TENT4B: variants seen among roughly 807,000 people sequenced by gnomAD.
TENT4B encodes the protein PAP associated domain containing 5.
In TENT4B, 10 loss-of-function variants were observed where a neutral mutation model predicts 75.0. The observed-to-expected ratio is 0.13, with a 90% CI of 0.08 to 0.23. The LOEUF is 0.23. Ranked by LOEUF, TENT4B falls within the 10% of genes least tolerant of loss-of-function variation. The pLI is 1.00. For missense variants in TENT4B, 579 were observed against 893.8 expected (o/e 0.65, Z 4.49); for synonymous variants, 350 against 357.7 (o/e 0.98, Z 0.24).
chr16:50,233,544 C>G lies in TENT4B; in HGVS notation c.*4216C>G. On this transcript the variant is annotated 3_prime_UTR_variant, in exon 12 of 12. Coordinates refer to ENST00000561678, the MANE Select transcript of TENT4B (RefSeq NM_001365324.3). Reference sequence around the variant, plus strand: ...AGATAATGAGCTAAATATATATAGACGTTGAATGTTGACAAAATTATTAAC... The same window carrying G: ...AGATAATGAGCTAAATATATATAGAGGTTGAATGTTGACAAAATTATTAAC... 1 of 984,744 alleles carries G rather than the reference C, an allele frequency of 1.0e-6. No homozygotes were observed. The highest frequency in any genetic ancestry group is 4.7e-5 in the South Asian group (1 of 21,258). 61.0% of individuals were successfully genotyped at this position (984,744 alleles called of 1,614,324 possible).
rs2030096424 is a variant in TENT4B, at chr16:50,234,271, AAAAC to A, written c.*4951_*4954del. The A allele has an allele frequency of 1.2e-5, 12 of 985,514 alleles. No homozygotes were observed. Among genetic ancestry groups the A allele is most frequent in the South Asian group, 4.7e-5 (1 of 21,288 alleles). 61.0% of individuals were successfully genotyped at this position (985,514 alleles called of 1,614,324 possible). A position where few individuals can be genotyped will look rare whatever the true frequency, so the allele number is the denominator to read the frequency against. On this transcript the variant is annotated 3_prime_UTR_variant, in exon 12 of 12. Coordinates refer to ENST00000561678, the MANE Select transcript of TENT4B (RefSeq NM_001365324.3). ...GAGTTTGAGACCTTCATCTCTTAAAAAAACAAACAAAAACCTGAATGGTGAGGTG... is the reference window on the plus strand; with the variant it reads ...GAGTTTGAGACCTTCATCTCTTAAAAAAACAAAAACCTGAATGGTGAGGTG...
At chr16:50,208,131 T>C (rs2031084569) in intron 1 of TENT4B, among the ~76,000 whole-genome samples, 1 of 152,208 alleles carries the variant, frequency 6.6e-6, no homozygotes, top group African/African-American at 2.4e-5. Context: ...ACTTTGCAAG[T>C]GTGGCTTTGC....
chr16:50,154,809 C>T (rs2037858900), intron 1 of TENT4B, among the ~76,000 whole-genome samples: 2 of 152,144 alleles, frequency 1.3e-5, no homozygotes, highest in East Asian at 1.9e-4. Context: ...TTATGTCAGC[C>T]CTGTAAGGCA....
At chr16:50,160,193 C>G (rs1056956112) in intron 1 of TENT4B, among the ~76,000 whole-genome samples, 1 of 152,186 alleles carries the variant, frequency 6.6e-6, no homozygotes, top group Non-Finnish European at 1.5e-5. Flanking sequence ...CCACTGCGCC[C>G]GGCCGCTAAC....
Position 50,228,039 on chromosome 16 carries a change from G to A in TENT4B, c.1965+36G>A, listed in dbSNP as rs773292883. 8 of 1,589,044 alleles carry A rather than the reference G, an allele frequency of 5.0e-6. No homozygotes were observed. The Admixed American group carries it at 1.1e-4, about 21-fold the overall frequency. ...CGTGGGTTTTTAATTGTTAGTATTT[G>A]ATACAAAATATTTAGAATTTCCCAC... On this transcript the variant is annotated intron_variant, in intron 11 of 11. Coordinates refer to ENST00000561678, the MANE Select transcript of TENT4B (RefSeq NM_001365324.3).
chr16:50,152,970 C>G (rs916380972), upstream of TENT4B: 22 of 1,513,830 alleles, frequency 1.5e-5, no homozygotes, highest in African/African-American at 2.6e-4. Flanking sequence ...CTCGTCCACG[C>G]TCAGCACCGG....
intron 4 of TENT4B, among the ~76,000 whole-genome samples, chr16:50,217,236 G>A (rs2031606447): frequency 6.6e-6 from 1 of 152,102 alleles, no homozygotes; most frequent in Admixed American, 6.5e-5. Flanking sequence ...ACTTCAGTAT[G>A]TATATCAAGA....
chr16:50,183,837 G>T (rs1044319026), intron 1 of TENT4B, among the ~76,000 whole-genome samples: 1 of 152,140 alleles, frequency 6.6e-6, no homozygotes. Flanking sequence ...CTGAGGTCAG[G>T]AGTTTGAGAC....
intron 1 of TENT4B, among the ~76,000 whole-genome samples, chr16:50,188,444 A>G (rs191135476): frequency 3.3e-5 from 5 of 152,332 alleles, no homozygotes; most frequent in African/African-American, 1.2e-4. Flanking sequence ...CTGATGGTAA[A>G]CACAACAGCA....
Position 50,233,553 on chromosome 16 carries a change from T to C in TENT4B, c.*4225T>C, listed in dbSNP as rs191664672. On this transcript the variant is annotated 3_prime_UTR_variant, in exon 12 of 12. Transcript: ENST00000561678. The stretch of plus-strand genomic sequence containing the variant: ...GCTAAATATATATAGACGTTGAATG[T>C]TGACAAAATTATTAACCAGAAAAAT... 12 of 985,100 alleles carry C rather than the reference T, an allele frequency of 1.2e-5. No homozygotes were observed. The South Asian group carries it at 3.3e-4, about 27-fold the overall frequency. 61.0% of individuals were successfully genotyped at this position (985,100 alleles called of 1,614,324 possible).
chr16:50,235,154 T>C lies in TENT4B; in HGVS notation c.*5826T>C, dbSNP rs562568851. 84 of 530,000 alleles carry C rather than the reference T, an allele frequency of 1.6e-4. No homozygotes were observed. The African/African-American group carries it at 1.7e-3, about 11-fold the overall frequency. The allele number at this position is 530,000 out of a possible 1,614,324, so 32.8% of individuals were successfully genotyped here. A position where few individuals can be genotyped will look rare whatever the true frequency, so the allele number is the denominator to read the frequency against. ...TGAATTGCACACCTGGAAGATTTTT[T>C]AAGCTAATGACAGTTTCTTCAAAGA... On this transcript the variant is annotated 3_prime_UTR_variant, in exon 12 of 12. Transcript: ENST00000561678.
At chr16:50,192,368 G>A (rs1436281638) in intron 1 of TENT4B, among the ~76,000 whole-genome samples, 2 of 152,182 alleles carry the variant, frequency 1.3e-5, no homozygotes, top group East Asian at 3.8e-4. Context: ...TGAGGAGACA[G>A]TTGTTACCAT....
intron 1 of TENT4B, among the ~76,000 whole-genome samples, chr16:50,187,006 C>T (rs2038540874): frequency 6.6e-6 from 1 of 152,096 alleles, no homozygotes; most frequent in Non-Finnish European, 1.5e-5. Flanking sequence ...AGCAATCCTC[C>T]TACCTCGGCT....
intron 1 of TENT4B, among the ~76,000 whole-genome samples, chr16:50,203,838 G>A (rs1022880321): frequency 6.6e-6 from 1 of 152,212 alleles, no homozygotes; most frequent in Non-Finnish European, 1.5e-5. Flanking sequence ...TGGGCACACA[G>A]AGCCCGAAGC....
At chr16:50,207,660 A>G (rs1044561623) in intron 1 of TENT4B, among the ~76,000 whole-genome samples, 1 of 152,204 alleles carries the variant, frequency 6.6e-6, no homozygotes, top group Non-Finnish European at 1.5e-5. Context: ...TGTGTCATCC[A>G]GCAATACCTA....
At chr16:50,194,129 A>G (rs2030041730) in intron 1 of TENT4B, among the ~76,000 whole-genome samples, 1 of 151,368 alleles carries the variant, frequency 6.6e-6, no homozygotes, top group South Asian at 2.1e-4. Context: ...TTTCATTTTG[A>G]TTATTGATTT....
chr16:50,187,383 G>A (rs1395110560), intron 1 of TENT4B, among the ~76,000 whole-genome samples: 1 of 152,220 alleles, frequency 6.6e-6, no homozygotes, highest in African/African-American at 2.4e-5. Flanking sequence ...AGGAGTTTGA[G>A]ACCAGCCTGG....
At chr16:50,184,711 GT>G (rs1230431376) in intron 1 of TENT4B, among the ~76,000 whole-genome samples, 3 of 151,210 alleles carry the variant, frequency 2.0e-5, no homozygotes, top group East Asian at 1.9e-4. Context: ...ATGCTTGAGG[GT>G]TTTTTTTTAT....
In TENT4B at chr16:50,230,309, A is replaced by C; in HGVS notation, c.*981A>C. The C allele has an allele frequency of 1.0e-6, 1 of 984,220 alleles. No individual in the cohort carries two copies. Among genetic ancestry groups the C allele is most frequent in the Non-Finnish European group, 1.2e-6 (1 of 829,562 alleles). 61.0% of individuals were successfully genotyped at this position (984,220 alleles called of 1,614,324 possible). On this transcript the variant is annotated 3_prime_UTR_variant, in exon 12 of 12. Transcript: ENST00000561678. The stretch of plus-strand genomic sequence containing the variant: ...CATTTCTTCCTAATAGGAAAAAAAA[A>C]AAAAAAAAGGTCACCCATGTCTGGT...
Sources: gnomAD v4.1 joint callset for allele counts (sites outside exome capture counted in the v4.1 genomes callset) on GRCh38, gnomAD v4.1.1 for gene constraint, MANE v1.5 for transcripts, NCBI Gene and HGNC (gene_info 2026-07-23, HGNC 2026-07-21) for gene names.